The following TTC27 variants were observed in gnomAD, a reference collection of about 807,000 sequenced individuals.
TTC27 encodes the protein tetratricopeptide repeat domain 27.
In TTC27, 79 loss-of-function variants were observed where a neutral mutation model predicts 115.9. That is an observed-to-expected ratio of 0.68 (90% CI 0.57 to 0.82). TTC27 has a LOEUF of 0.82. Ranked by LOEUF, TTC27 falls within the 40% of genes least tolerant of loss-of-function variation. The pLI, the probability that TTC27 is intolerant of heterozygous loss-of-function variation, is 0.00. For missense variants in TTC27, 1,054 were observed against 993.1 expected, an observed-to-expected ratio of 1.06 and a Z score of -0.82; for synonymous variants, 401 against 356.0, an observed-to-expected ratio of 1.13 and a Z score of -1.42.
At chr2:32,663,636 T>TTATGTATG (rs70938357) in intron 5 of TTC27, among the ~76,000 whole-genome samples, 23 of 146,400 alleles carry the variant, frequency 1.6e-4, no homozygotes, top group Non-Finnish European at 2.1e-4. Flanking sequence ...CACCCCCTAT[T>TTATGTATG]TATGTATGTA....
Position 32,758,338 on chromosome 2 carries a change from G to A in TTC27, c.1499G>A (p.Ser500Asn). 6.2e-7 allele frequency: 1 copy of A among 1,614,206 alleles called. No individual in the cohort carries two copies. Among genetic ancestry groups the A allele is most frequent in the Non-Finnish European group, 8.5e-7 (1 of 1,180,038 alleles). Reference protein sequence around the residue: ...RQELEKKETPSLYCLLGDVLG... With the variant: ...RQELEKKETPNLYCLLGDVLG... ...GAGCTGGAGAAAAAAGAAACGCCTA[G>A]TTTATACTGCTTGCTTGGAGATGTC... The change falls in exon 13 of 20, where the codon AGT becomes AAT. Residue 500 changes from serine (S) to asparagine (N), a missense_variant. Transcript: ENST00000317907.
chr2:32,702,991 C>A, intron 10 of TTC27, 71 bp downstream of exon 10: 2 of 1,051,062 alleles, frequency 1.9e-6, no homozygotes, highest in Non-Finnish European at 2.9e-6. Context: ...TACATGTTTG[C>A]TATGAATGAA....
At chr2:32,760,705 T>C (rs1400579439) in intron 13 of TTC27, among the ~76,000 whole-genome samples, 1 of 152,216 alleles carries the variant, frequency 6.6e-6, no homozygotes, top group East Asian at 1.9e-4. Context: ...AGCTTCTGCC[T>C]AAAGTTTACC....
At chr2:32,695,025 CAT>C (rs984912602) in intron 9 of TTC27, among the ~76,000 whole-genome samples, 1 of 151,964 alleles carries the variant, frequency 6.6e-6, no homozygotes, top group African/African-American at 2.4e-5. Context: ...TTGTAAAATA[CAT>C]ATTTTTTTAT....
At chr2:32,702,987 T>TATGC in intron 10 of TTC27, 67 bp downstream of exon 10, 1 of 1,092,106 alleles carries the variant, frequency 9.2e-7, no homozygotes, top group African/African-American at 1.6e-5. Context: ...AGCATACATG[T>TATGC]TTGCTATGAA....
At chr2:32,677,312 A>G (rs1179340369) in intron 8 of TTC27, among the ~76,000 whole-genome samples, 2 of 151,836 alleles carry the variant, frequency 1.3e-5, no homozygotes, top group Admixed American at 6.6e-5. Context: ...GATTTTTCCT[A>G]TTATACACAA....
At chr2:32,772,945 G>A (rs937364588) in intron 13 of TTC27, among the ~76,000 whole-genome samples, 1 of 152,188 alleles carries the variant, frequency 6.6e-6, no homozygotes, top group Non-Finnish European at 1.5e-5. Context: ...AAGTGACATA[G>A]CCAGGGTCGT....
intron 9 of TTC27, among the ~76,000 whole-genome samples, chr2:32,690,649 G>A (rs1666778738): frequency 6.6e-6 from 1 of 152,106 alleles, no homozygotes; most frequent in African/African-American, 2.4e-5. Context: ...GTTGTATTTG[G>A]GTCCTTTTGT....
intron 13 of TTC27, among the ~76,000 whole-genome samples, chr2:32,776,011 T>G (rs891677481): frequency 6.6e-6 from 1 of 152,180 alleles, no homozygotes; most frequent in Non-Finnish European, 1.5e-5. Flanking sequence ...AGTGGTGAGC[T>G]CATTTTTAGG....
rs577847912 is a variant in TTC27, at chr2:32,798,597, C to T, written c.1998+11448C>T. Among the ~76,000 whole-genome samples, 12 of 138,786 alleles carry T rather than the reference C, an allele frequency of 8.6e-5. No homozygotes were observed. The East Asian group carries it at 1.3e-3, about 15-fold the overall frequency. 91.0% of individuals were successfully genotyped at this position (138,786 alleles called of 152,430 possible). A position where few individuals can be genotyped will look rare whatever the true frequency, so the allele number is the denominator to read the frequency against. ...GTGGGCGCCTGTGGTCCTAGCTACTCGGGAGGCTGAGGCAGGAGAATGGCA... is the reference window on the plus strand; with the variant it reads ...GTGGGCGCCTGTGGTCCTAGCTACTTGGGAGGCTGAGGCAGGAGAATGGCA... On this transcript the variant is annotated intron_variant, in intron 16 of 19. Coordinates refer to ENST00000317907, the MANE Select transcript of TTC27 (RefSeq NM_017735.5).
intron 5 of TTC27, 73 bp downstream of exon 5, chr2:32,650,306 AGTTTATTTTTT>A: frequency 1.2e-6 from 1 of 825,880 alleles, no homozygotes; most frequent in Non-Finnish European, 1.7e-6. Flanking sequence ...ACTCCTTTTT[AGTTTATTTTTT>A]GTCCGGTAGT....
chr2:32,651,109 G>A (rs1038759010), intron 5 of TTC27, among the ~76,000 whole-genome samples: 9 of 152,164 alleles, frequency 5.9e-5, no homozygotes, highest in African/African-American at 1.4e-4. Context: ...TTACAGAGAC[G>A]GGATTTGATT....
chr2:32,668,384 A>T (rs1275092903), intron 7 of TTC27, among the ~76,000 whole-genome samples: 1 of 151,902 alleles, frequency 6.6e-6, no homozygotes, highest in Non-Finnish European at 1.5e-5. Context: ...TTGAAAAAAA[A>T]AAAAAAGAAA....
intron 18 of TTC27, among the ~76,000 whole-genome samples, chr2:32,814,345 TCTC>T (rs1274464446): frequency 1.3e-5 from 2 of 152,236 alleles, no homozygotes; most frequent in Non-Finnish European, 2.9e-5. Flanking sequence ...TCTTTTAAGT[TCTC>T]CTCTGACATC....
intron 9 of TTC27, among the ~76,000 whole-genome samples, chr2:32,700,518 G>C (rs1424659570): frequency 1.3e-5 from 2 of 152,060 alleles, no homozygotes; most frequent in Admixed American, 6.6e-5. Flanking sequence ...TTTACCTAAT[G>C]AGAAAAGTCT....
chr2:32,748,806 G>A (rs949479674), intron 12 of TTC27, among the ~76,000 whole-genome samples: 1 of 151,430 alleles, frequency 6.6e-6, no homozygotes, highest in East Asian at 1.9e-4. Context: ...TCCTGCCTCA[G>A]CATCCTGGGT....
intron 9 of TTC27, among the ~76,000 whole-genome samples, chr2:32,683,486 A>G (rs1666515562): frequency 6.6e-6 from 1 of 152,184 alleles, no homozygotes; most frequent in African/African-American, 2.4e-5. Flanking sequence ...AATTTTTGCC[A>G]GTGTTTTCAT....
intron 10 of TTC27, among the ~76,000 whole-genome samples, chr2:32,712,548 TTTTTTTTTC>T (rs994363439): frequency 2.6e-5 from 4 of 151,432 alleles, no homozygotes; most frequent in Admixed American, 6.6e-5. Context: ...ATCTAAATTC[TTTTTTTTTC>T]TTTTTTTTCT....
intron 10 of TTC27, chr2:32,704,974 A>C: frequency 2.1e-6 from 1 of 467,316 alleles, no homozygotes; most frequent in South Asian, 1.6e-5. Flanking sequence ...TTCCCATTGT[A>C]ATTAATAAAC....
Sources: gnomAD v4.1 joint callset for allele counts (sites outside exome capture counted in the v4.1 genomes callset) on GRCh38, gnomAD v4.1.1 for gene constraint, MANE v1.5 for transcripts, NCBI Gene and HGNC (gene_info 2026-07-23, HGNC 2026-07-21) for gene names.